PACS1: variants seen among roughly 807,000 people sequenced by gnomAD.
The protein encoded by PACS1 is PACS-1.
PACS1 carries 24 observed loss-of-function variants against 115.0 expected under a neutral mutation model. The observed-to-expected ratio is 0.21, with a 90% CI of 0.15 to 0.29. The LOEUF is 0.29. PACS1 is among the 10% of genes least tolerant of loss of function. The pLI is 1.00. For synonymous variants in PACS1, 453 were observed against 504.5 expected (o/e 0.90, Z 1.37); for missense variants, 838 against 1,251.2 (o/e 0.67, Z 4.98).
intron 1 of PACS1, among the ~76,000 whole-genome samples, chr11:66,158,039 T>G (rs1037727651): frequency 6.6e-6 from 1 of 152,186 alleles, no homozygotes; most frequent in Non-Finnish European, 1.5e-5. Context: ...CAGTCTTGGC[T>G]CACTGCAGCC....
chr11:66,196,347 C>T (rs1340575331), intron 2 of PACS1, among the ~76,000 whole-genome samples: 2 of 152,196 alleles, frequency 1.3e-5, no homozygotes, highest in Non-Finnish European at 2.9e-5. Flanking sequence ...TGAGATGGGA[C>T]GTGTACACTG....
At position 66,239,161 on chromosome 11, in the gene PACS1, T is replaced by C. The variant is rs201812420; in HGVS notation, c.2313T>C (p.Pro771=). The change falls in exon 21 of 24, where the codon CCT becomes CCC. Residue 771 remains proline (P), a synonymous_variant. Transcript: ENST00000320580. ...TGACAGGCGATGGGGACGATTCTCCTGTGGTCAGCCTTACTGTGCCCTCCA... is the reference window on the plus strand; with the variant it reads ...TGACAGGCGATGGGGACGATTCTCCCGTGGTCAGCCTTACTGTGCCCTCCA... ...PSTAGDGDDS[P]VVSLTVPSTS... 5.6e-6 allele frequency: 9 copies of C among 1,614,044 alleles called. No homozygotes were observed. The highest frequency in any genetic ancestry group is 7.6e-6 in the Non-Finnish European group (9 of 1,180,018).
At chr11:66,238,205 G>T in intron 19 of PACS1, 1 of 985,230 alleles carries the variant, frequency 1.0e-6, no homozygotes, top group Non-Finnish European at 1.2e-6. Flanking sequence ...ATTCCAGGAA[G>T]ACCAGAGAGG....
At chr11:66,099,557 G>C (rs984638107) in intron 1 of PACS1, among the ~76,000 whole-genome samples, 1 of 150,506 alleles carries the variant, frequency 6.6e-6, no homozygotes, top group Non-Finnish European at 1.5e-5. Context: ...TTTTTGGGGG[G>C]GTTTTGAGGG....
chr11:66,154,049 T>C (rs982716911), intron 1 of PACS1, among the ~76,000 whole-genome samples: 1 of 152,174 alleles, frequency 6.6e-6, no homozygotes, highest in Non-Finnish European at 1.5e-5. Context: ...ATGAGGAATA[T>C]TGCTAGAGAT....
At chr11:66,128,499 C>T (rs137971148) in intron 1 of PACS1, among the ~76,000 whole-genome samples, 4 of 152,240 alleles carry the variant, frequency 2.6e-5, no homozygotes, top group East Asian at 3.9e-4. Context: ...CATTAAACAT[C>T]GTTGAAGCTG....
At chr11:66,173,095 T>C (rs1455378909) in intron 1 of PACS1, among the ~76,000 whole-genome samples, 1 of 150,470 alleles carries the variant, frequency 6.6e-6, no homozygotes, top group Non-Finnish European at 1.5e-5. Context: ...ATTTTGGTTT[T>C]TTTTTTTTGT....
At chr11:66,126,725 G>A (rs1858583115) in intron 1 of PACS1, among the ~76,000 whole-genome samples, 2 of 152,106 alleles carry the variant, frequency 1.3e-5, no homozygotes, top group South Asian at 4.1e-4. Context: ...TTTTGCATTG[G>A]CAGTTATGCT....
At chr11:66,137,225 T>C (rs1858866660) in intron 1 of PACS1, among the ~76,000 whole-genome samples, 1 of 151,302 alleles carries the variant, frequency 6.6e-6, no homozygotes, top group African/African-American at 2.5e-5. Flanking sequence ...TTTCTGCTAG[T>C]ACTTAAATGG....
rs566636222 is a variant in PACS1, at chr11:66,160,346, T to G, written c.357-33140T>G. ...GATTATAATTGTTTTGAAGATTAAA[T>G]TATATACATTGCACATAACAGTATC... On this transcript the variant is annotated intron_variant, in intron 1 of 23. Transcript: ENST00000320580. 6.1e-4 allele frequency among the ~76,000 whole-genome samples: 93 copies of G among 152,308 alleles called. 2 individuals carry two copies. The South Asian group carries it at 0.019, about 31-fold the overall frequency.
chr11:66,227,302 T>C (rs1028692951), intron 10 of PACS1, among the ~76,000 whole-genome samples: 7 of 152,172 alleles, frequency 4.6e-5, no homozygotes, highest in Non-Finnish European at 8.8e-5. Flanking sequence ...ATTGACTTGA[T>C]GACAAAGATA....
chr11:66,217,447 G>A (rs1855239498), intron 7 of PACS1: 2 of 420,808 alleles, frequency 4.8e-6, no homozygotes, highest in Non-Finnish European at 9.7e-6. Flanking sequence ...AGTGCTGGGA[G>A]CATTTCCGAA....
chr11:66,213,291 T>C (rs1336282155), intron 4 of PACS1, among the ~76,000 whole-genome samples: 2 of 152,250 alleles, frequency 1.3e-5, no homozygotes, highest in Non-Finnish European at 2.9e-5. Context: ...TGCACAAACT[T>C]ATCAGATTTG....
At chr11:66,187,990 T>C (rs891756728) in intron 1 of PACS1, among the ~76,000 whole-genome samples, 6 of 152,170 alleles carry the variant, frequency 3.9e-5, no homozygotes, top group Admixed American at 3.3e-4. Flanking sequence ...TTTTTGTCTT[T>C]TTGATAGTAG....
intron 1 of PACS1, among the ~76,000 whole-genome samples, chr11:66,192,604 G>T (rs754333244): frequency 6.6e-6 from 1 of 152,226 alleles, no homozygotes; most frequent in Non-Finnish European, 1.5e-5. Flanking sequence ...AAATCCAGCC[G>T]GATTCTCTGG....
chr11:66,161,329 G>A (rs1254458746), intron 1 of PACS1, among the ~76,000 whole-genome samples: 1 of 152,068 alleles, frequency 6.6e-6, no homozygotes, highest in African/African-American at 2.4e-5. Context: ...GCATGTACCT[G>A]TCATTTCAGC....
chr11:66,134,826 GA>G lies in PACS1; in HGVS notation c.357-58658del, dbSNP rs924879837. 1.4e-4 allele frequency among the ~76,000 whole-genome samples: 21 copies of G among 152,110 alleles called. 3 individuals are homozygous for G. The highest frequency in any genetic ancestry group is 1.2e-3 in the Admixed American group (19 of 15,262). On this transcript the variant is annotated intron_variant, in intron 1 of 23. Transcript: ENST00000320580. Reference sequence around the variant, plus strand: ...CAATTACTCACTTTTATTCTGTCTTGAATCTTAGATAATTATGCCGGAGATA... The same window carrying G: ...CAATTACTCACTTTTATTCTGTCTTGATCTTAGATAATTATGCCGGAGATA...
At chr11:66,238,729 A>G (rs1855752207) in intron 19 of PACS1, 75 bp from the exon 20 acceptor site, 1 of 1,296,872 alleles carries the variant, frequency 7.7e-7, no homozygotes. Context: ...TTGTGCCACC[A>G]ATGTGTTTCT....
At chr11:66,099,926 A>C (rs889820713) in intron 1 of PACS1, among the ~76,000 whole-genome samples, 1 of 148,540 alleles carries the variant, frequency 6.7e-6, no homozygotes, top group African/African-American at 2.5e-5. Context: ...TCGGTTCACC[A>C]CAACCTTGGC....
Sources: allele counts gnomAD v4.1 joint callset (sites outside exome capture counted in the v4.1 genomes callset), GRCh38; gene constraint gnomAD v4.1.1; transcripts MANE v1.5; gene names NCBI Gene and HGNC (gene_info 2026-07-23, HGNC 2026-07-21).